The following ST7 variants were observed in gnomAD, a reference collection of about 807,000 sequenced individuals.
ST7 encodes the protein suppressor of tumorigenicity 7 protein.
ST7 carries 28 observed loss-of-function variants against 78.7 expected under a neutral mutation model. That is an observed-to-expected ratio of 0.36 (90% CI 0.26 to 0.49). ST7 has a LOEUF of 0.49. Ranked by LOEUF, ST7 falls within the 20% of genes least tolerant of loss-of-function variation. The pLI is 0.99. For missense variants in ST7, 418 were observed against 696.0 expected, an observed-to-expected ratio of 0.60 and a Z score of 4.49; for synonymous variants, 247 against 249.6, an observed-to-expected ratio of 0.99 and a Z score of 0.10.
intron 1 of ST7, among the ~76,000 whole-genome samples, chr7:117,068,673 A>C (rs941396878): frequency 6.6e-6 from 1 of 152,364 alleles, no homozygotes; most frequent in African/African-American, 2.4e-5. Flanking sequence ...TGCAGTGAGC[A>C]GCTGACGTGG....
chr7:116,965,865 A>G, intron 1 of ST7: 1 of 176,256 alleles, frequency 5.7e-6, no homozygotes. Context: ...ACAAAGATTT[A>G]TTATTGCTCA....
chr7:117,112,336 T>G (rs1254545040), intron 2 of ST7: 4 of 152,210 alleles, frequency 2.6e-5, no homozygotes, highest in African/African-American at 9.7e-5. Flanking sequence ...CCATGCCAGG[T>G]GTACTATATT....
intron 1 of ST7, among the ~76,000 whole-genome samples, chr7:116,998,122 C>T (rs966626225): frequency 2.0e-5 from 3 of 152,238 alleles, no homozygotes; most frequent in African/African-American, 7.2e-5. Context: ...TGGCAGGCTG[C>T]AGGTCCTGAG....
At chr7:117,207,573 C>A (rs1266176260) in intron 12 of ST7, among the ~76,000 whole-genome samples, 1 of 152,132 alleles carries the variant, frequency 6.6e-6, no homozygotes, top group Non-Finnish European at 1.5e-5. Context: ...ATGTGAAAGC[C>A]TTTTCTAATC....
intron 1 of ST7, among the ~76,000 whole-genome samples, chr7:117,009,361 A>G (rs1050834552): frequency 2.0e-5 from 3 of 150,206 alleles, no homozygotes; most frequent in Non-Finnish European, 2.9e-5. Flanking sequence ...CCTTTTGCCA[A>G]TCATGTGAAC....
chr7:117,181,208 C>A (rs112542546), intron 10 of ST7, among the ~76,000 whole-genome samples: 2 of 152,020 alleles, frequency 1.3e-5, no homozygotes, highest in African/African-American at 2.4e-5. Flanking sequence ...TAAATAAGTA[C>A]GTACAAGTCA....
Position 116,970,893 on chromosome 7 carries a change from T to G in ST7, c.151+17202T>G, listed in dbSNP as rs553917798. 2.6e-3 allele frequency among the ~76,000 whole-genome samples: 390 copies of G among 152,338 alleles called. 3 individuals are homozygous for G. The highest frequency in any genetic ancestry group is 4.6e-3 in the South Asian group (22 of 4,824). ...TCTTCTCTCCCACTATTTTTTTTTA[T>G]TTTTTGGAGGGACTGGTTCTTTATT... On this transcript the variant is annotated intron_variant, in intron 1 of 15. Transcript: ENST00000323984.
intron 9 of ST7, among the ~76,000 whole-genome samples, chr7:117,150,544 CTCTCCATCTGCTCCT>C (rs769618231): frequency 6.6e-6 from 1 of 152,100 alleles, no homozygotes; most frequent in Non-Finnish European, 1.5e-5. Flanking sequence ...TCTCTTCTGC[CTCTCCATCTGCTCCT>C]TCTCCATCTT....
intron 12 of ST7, among the ~76,000 whole-genome samples, chr7:117,198,076 G>A (rs530278216): frequency 1.3e-5 from 2 of 152,294 alleles, no homozygotes; most frequent in Admixed American, 6.5e-5. Context: ...GCTCAAAAGT[G>A]TTCAGAACAA....
At chr7:116,962,038 T>C (rs1310679796) in intron 1 of ST7, among the ~76,000 whole-genome samples, 1 of 152,130 alleles carries the variant, frequency 6.6e-6, no homozygotes, top group Non-Finnish European at 1.5e-5. Flanking sequence ...ATGCAGTGTT[T>C]GGTTTTCTGT....
chr7:117,205,155 C>A (rs540426713), intron 12 of ST7, among the ~76,000 whole-genome samples: 5 of 152,186 alleles, frequency 3.3e-5, no homozygotes, highest in Non-Finnish European at 7.4e-5. Context: ...TATTTAACCA[C>A]CATGAACATT....
chr7:117,198,950 C>T (rs1451924397), intron 12 of ST7: 5 of 152,146 alleles, frequency 3.3e-5, no homozygotes, highest in African/African-American at 7.3e-5. Flanking sequence ...CATACATACT[C>T]CAAACCCATC....
chr7:116,974,781 A>G (rs988785737), intron 1 of ST7, among the ~76,000 whole-genome samples: 19 of 152,160 alleles, frequency 1.2e-4, no homozygotes, highest in African/African-American at 4.3e-4. Context: ...AGTCATGAAA[A>G]AATTTGCATT....
Position 117,096,067 on chromosome 7 carries a change from CAAAAAAAAAAAAAAAA to C in ST7, c.152-3679_152-3664del, listed in dbSNP as rs35970973. Among the ~76,000 whole-genome samples, 225 of 35,730 alleles carry C rather than the reference CAAAAAAAAAAAAAAAA, an allele frequency of 6.3e-3. 1 individual carries two copies. In the Middle Eastern group the frequency reaches 0.095, roughly 15 times the overall value. The allele number at this position is 35,730 out of a possible 152,430, so 23.4% of individuals were successfully genotyped here. On this transcript the variant is annotated intron_variant, in intron 1 of 15. Coordinates refer to ENST00000323984, the MANE Select transcript of ST7 (RefSeq NM_001369598.1). ...TGGGCAACAGAGCGAGATTCTGCCT[CAAAAAAAAAAAAAAAA>C]AAAAAAAAAAAAAAAGAATATCAGG...
At chr7:117,171,566 C>A (rs1807992095) in intron 10 of ST7, among the ~76,000 whole-genome samples, 2 of 151,672 alleles carry the variant, frequency 1.3e-5, no homozygotes, top group Admixed American at 1.3e-4. Flanking sequence ...CACTCATGAA[C>A]TTATTCCATT....
Position 117,093,529 on chromosome 7 carries a change from G to A in ST7, c.152-6233G>A, listed in dbSNP as rs534041148. Among the ~76,000 whole-genome samples, 41 of 152,102 alleles carry A rather than the reference G, an allele frequency of 2.7e-4. 1 individual carries two copies. The South Asian group carries it at 4.8e-3, about 18-fold the overall frequency. ...TAGCCTGGTTAACATAGTGAAACCCGCATCTCTACTAAAACTTCAAAATTA... is the reference window on the plus strand; with the variant it reads ...TAGCCTGGTTAACATAGTGAAACCCACATCTCTACTAAAACTTCAAAATTA... On this transcript the variant is annotated intron_variant, in intron 1 of 15. Coordinates refer to ENST00000323984, the MANE Select transcript of ST7 (RefSeq NM_001369598.1).
chr7:117,039,356 T>C (rs534905823), intron 1 of ST7, among the ~76,000 whole-genome samples: 2 of 152,266 alleles, frequency 1.3e-5, no homozygotes, highest in African/African-American at 2.4e-5. Flanking sequence ...GGAAGATTGC[T>C]TGAGGCCAGG....
intron 1 of ST7, 24 bp from the exon 2 acceptor site, chr7:117,099,738 C>T: frequency 1.3e-6 from 2 of 1,589,030 alleles, no homozygotes; most frequent in Non-Finnish European, 1.7e-6. Flanking sequence ...GTTCTTCTCC[C>T]TTTCTCTCTC....
intron 2 of ST7, among the ~76,000 whole-genome samples, chr7:117,106,503 GCATC>G (rs1801974592): frequency 6.6e-6 from 1 of 151,470 alleles, no homozygotes; most frequent in Admixed American, 6.6e-5. Flanking sequence ...AGATTTTCGT[GCATC>G]CATCCCCCTA....
Sources: allele counts gnomAD v4.1 joint callset (sites outside exome capture counted in the v4.1 genomes callset), GRCh38; gene constraint gnomAD v4.1.1; transcripts MANE v1.5; gene names NCBI Gene and HGNC (gene_info 2026-07-23, HGNC 2026-07-21).